The following ST6GALNAC5 variants were observed in gnomAD, a reference collection of about 807,000 sequenced individuals.
The protein encoded by ST6GALNAC5 is alpha-N-acetylgalactosaminide alpha-2,6-sialyltransferase 5.
A neutral mutation model predicts 33.6 loss-of-function variants in ST6GALNAC5; 27 were observed. The ratio of observed to expected loss-of-function variants is 0.80; its 90% CI spans 0.59 to 1.11. ST6GALNAC5 has a LOEUF of 1.11. Among genes scored for constraint, ST6GALNAC5 ranks in the 50% least tolerant of loss-of-function variants. The pLI is 0.00. For missense variants in ST6GALNAC5, 428 were observed against 454.0 expected, an observed-to-expected ratio of 0.94 and a Z score of 0.52; for synonymous variants, 194 against 171.2, an observed-to-expected ratio of 1.13 and a Z score of -1.04.
At chr1:76,913,687 A>G (rs1646937945) in intron 2 of ST6GALNAC5, among the ~76,000 whole-genome samples, 1 of 152,026 alleles carries the variant, frequency 6.6e-6, no homozygotes, top group African/African-American at 2.4e-5. Flanking sequence ...CATCACTGAT[A>G]CCATTTCTTC....
intron 2 of ST6GALNAC5, among the ~76,000 whole-genome samples, chr1:76,919,139 C>G (rs771708726): frequency 6.6e-6 from 1 of 152,062 alleles, no homozygotes; most frequent in Non-Finnish European, 1.5e-5. Context: ...ATTGAGTGAT[C>G]CCTCTGAAGA....
chr1:76,879,661 G>C lies in ST6GALNAC5; in HGVS notation c.261+10919G>C, dbSNP rs555444696. ...TGAGTGCCTCAGGGAGGCCATCACT[G>C]TTGCCTCAGGCAGCACAGGGTTTAT... On this transcript the variant is annotated intron_variant, in intron 2 of 4. Transcript: ENST00000477717. Among the ~76,000 whole-genome samples, 50 of 152,292 alleles carry C rather than the reference G, an allele frequency of 3.3e-4. 1 individual carries two copies. Among genetic ancestry groups the C allele is most frequent in the African/African-American group, 1.1e-3 (45 of 41,544 alleles).
chr1:77,013,170 T>A, intron 2 of ST6GALNAC5, among the ~76,000 whole-genome samples: 1 of 152,090 alleles, frequency 6.6e-6, no homozygotes, highest in Non-Finnish European at 1.5e-5. Context: ...CCAACTCATG[T>A]CCTCTTTTGG....
chr1:77,009,107 A>G (rs1248923674), intron 2 of ST6GALNAC5, among the ~76,000 whole-genome samples: 1 of 152,186 alleles, frequency 6.6e-6, no homozygotes, highest in Non-Finnish European at 1.5e-5. Context: ...CACCACCACA[A>G]CAATAAAAAC....
intron 2 of ST6GALNAC5, among the ~76,000 whole-genome samples, chr1:76,877,986 G>A (rs1368511085): frequency 1.3e-5 from 2 of 152,244 alleles, no homozygotes; most frequent in East Asian, 3.8e-4. Context: ...ATCTGGTACA[G>A]CAGCTGCAAT....
chr1:77,014,369 C>T (rs142530998), intron 2 of ST6GALNAC5, among the ~76,000 whole-genome samples: 40 of 152,288 alleles, frequency 2.6e-4, no homozygotes, highest in African/African-American at 9.4e-4. Context: ...GAACTTCATA[C>T]ATGGGTGATT....
At position 76,965,218 on chromosome 1, in the gene ST6GALNAC5, C is replaced by CG. The variant is rs201919503; in HGVS notation, c.262-78986_262-78985insG. 3.8e-3 allele frequency among the ~76,000 whole-genome samples: 572 copies of CG among 151,410 alleles called. 3 individuals carry two copies. The highest frequency in any genetic ancestry group is 0.013 in the African/African-American group (545 of 41,244). On this transcript the variant is annotated intron_variant, in intron 2 of 4. Transcript: ENST00000477717. The stretch of plus-strand genomic sequence containing the variant: ...GCAATGGTGGAATTAGTTTACCACC[C>CG]CCCCCACCAACAGTGTAAAAGCATT...
At chr1:76,935,519 A>C (rs1358980564) in intron 2 of ST6GALNAC5, among the ~76,000 whole-genome samples, 1 of 152,082 alleles carries the variant, frequency 6.6e-6, no homozygotes, top group African/African-American at 2.4e-5. Context: ...TGCAGATTAC[A>C]AGTTAATTCT....
At chr1:77,009,883 C>G (rs1362724813) in intron 2 of ST6GALNAC5, among the ~76,000 whole-genome samples, 2 of 152,074 alleles carry the variant, frequency 1.3e-5, no homozygotes, top group Non-Finnish European at 2.9e-5. Flanking sequence ...GACCTTGATC[C>G]TTTCCCATTT....
At chr1:76,885,917 C>G (rs1401530108) in intron 2 of ST6GALNAC5, among the ~76,000 whole-genome samples, 1 of 152,228 alleles carries the variant, frequency 6.6e-6, no homozygotes, top group Non-Finnish European at 1.5e-5. Flanking sequence ...TTCAGTCGAT[C>G]AGTAGCTACT....
intron 1 of ST6GALNAC5, 35 bp downstream of exon 1, chr1:76,867,725 G>A: frequency 6.2e-7 from 1 of 1,613,996 alleles, no homozygotes. Flanking sequence ...CGGGCAAAGA[G>A]GGGGATCCCC....
chr1:76,976,713 G>A (rs1184960910), intron 2 of ST6GALNAC5, among the ~76,000 whole-genome samples: 12 of 152,014 alleles, frequency 7.9e-5, no homozygotes, highest in Non-Finnish European at 1.5e-4. Flanking sequence ...AATGCTGTAC[G>A]ATCTTTTAAT....
chr1:76,949,278 A>C (rs994290459), intron 2 of ST6GALNAC5, among the ~76,000 whole-genome samples: 8 of 152,156 alleles, frequency 5.3e-5, no homozygotes, highest in African/African-American at 1.9e-4. Context: ...CAATTCTCAC[A>C]GTCTTGATCT....
intron 2 of ST6GALNAC5, among the ~76,000 whole-genome samples, chr1:76,896,650 G>C (rs1445879880): frequency 6.6e-6 from 1 of 152,144 alleles, no homozygotes; most frequent in Non-Finnish European, 1.5e-5. Flanking sequence ...GAATAATGTG[G>C]GAGGCCAGAT....
chr1:76,927,811 T>C (rs1476914151), intron 2 of ST6GALNAC5, among the ~76,000 whole-genome samples: 1 of 152,160 alleles, frequency 6.6e-6, no homozygotes, highest in Non-Finnish European at 1.5e-5. Context: ...GTCTAATAAG[T>C]GGCATTATTG....
chr1:76,881,390 A>G (rs1320515727), intron 2 of ST6GALNAC5, among the ~76,000 whole-genome samples: 1 of 152,222 alleles, frequency 6.6e-6, no homozygotes, highest in Non-Finnish European at 1.5e-5. Context: ...CTCAGCATAG[A>G]CAGCCCATCT....
At chr1:77,053,964 C>G (rs1158563037) in intron 4 of ST6GALNAC5, among the ~76,000 whole-genome samples, 1 of 151,996 alleles carries the variant, frequency 6.6e-6, no homozygotes, top group African/African-American at 2.4e-5. Context: ...TTTCAGCAGG[C>G]AAAAAGAGAG....
intron 2 of ST6GALNAC5, among the ~76,000 whole-genome samples, chr1:77,007,882 G>A (rs1650487813): frequency 6.6e-6 from 1 of 152,182 alleles, no homozygotes; most frequent in Non-Finnish European, 1.5e-5. Context: ...TAAGACTTTT[G>A]GCCCCATAGC....
chr1:76,941,029 C>T (rs557175213), intron 2 of ST6GALNAC5, among the ~76,000 whole-genome samples: 1 of 151,930 alleles, frequency 6.6e-6, no homozygotes, highest in African/African-American at 2.4e-5. Flanking sequence ...TTGAATACCC[C>T]CAATTTAAAT....
Sources: allele counts gnomAD v4.1 joint callset (sites outside exome capture counted in the v4.1 genomes callset), GRCh38; gene constraint gnomAD v4.1.1; transcripts MANE v1.5; gene names NCBI Gene and HGNC (gene_info 2026-07-23, HGNC 2026-07-21).